SLC24A3: variants seen among roughly 807,000 people sequenced by gnomAD.
SLC24A3 encodes solute carrier family 24 member 3.
SLC24A3 carries 28 observed loss-of-function variants against 75.8 expected under a neutral mutation model. The observed-to-expected ratio is 0.37, with a 90% CI of 0.27 to 0.51. SLC24A3 has a LOEUF of 0.51. Among genes scored for constraint, SLC24A3 ranks in the 20% least tolerant of loss-of-function variants. The pLI, the probability that SLC24A3 is intolerant of heterozygous loss-of-function variation, is 0.94. For synonymous variants in SLC24A3, 372 were observed against 334.1 expected, an observed-to-expected ratio of 1.11 and a Z score of -1.24; for missense variants, 663 against 847.8, an observed-to-expected ratio of 0.78 and a Z score of 2.71.
At chr20:19,510,497 T>C (rs1282112674) in intron 2 of SLC24A3, among the ~76,000 whole-genome samples, 1 of 152,242 alleles carries the variant, frequency 6.6e-6, no homozygotes, top group Admixed American at 6.5e-5. Flanking sequence ...GCTTCGGAGA[T>C]GCTGTGAACT....
chr20:19,290,740 T>C (rs972640841), intron 2 of SLC24A3, among the ~76,000 whole-genome samples: 2 of 152,192 alleles, frequency 1.3e-5, no homozygotes, highest in South Asian at 2.1e-4. Flanking sequence ...TCTGTCAAGC[T>C]GGCTCAGGGT....
chr20:19,461,791 C>T (rs921202177), intron 2 of SLC24A3, among the ~76,000 whole-genome samples: 1 of 152,114 alleles, frequency 6.6e-6, no homozygotes, highest in East Asian at 1.9e-4. Context: ...CCTCTGCCTC[C>T]CTAAGTGCTG....
At chr20:19,449,428 C>T (rs1349377520) in intron 2 of SLC24A3, among the ~76,000 whole-genome samples, 1 of 152,212 alleles carries the variant, frequency 6.6e-6, no homozygotes, top group Non-Finnish European at 1.5e-5. Flanking sequence ...CGAAGACACA[C>T]ATTTCCAGGA....
chr20:19,441,591 C>A (rs1987300115), intron 2 of SLC24A3, among the ~76,000 whole-genome samples: 1 of 152,180 alleles, frequency 6.6e-6, no homozygotes, highest in Non-Finnish European at 1.5e-5. Context: ...ATCCCCATCA[C>A]TTACCCATCT....
chr20:19,580,385 C>G (rs1327383044), intron 4 of SLC24A3, among the ~76,000 whole-genome samples: 1 of 152,114 alleles, frequency 6.6e-6, no homozygotes, highest in Non-Finnish European at 1.5e-5. Flanking sequence ...CTTTTAAACT[C>G]ACTCTTCCTT....
At position 19,212,753 on chromosome 20, in the gene SLC24A3, G is replaced by T. The variant is rs1437282207; in HGVS notation, c.-90G>T. The T allele has an allele frequency of 1.1e-6, 1 of 946,364 alleles. No individual in the cohort carries two copies. The highest frequency in any genetic ancestry group is 1.8e-5 in the African/African-American group (1 of 55,916). The allele number at this position is 946,364 out of a possible 1,614,324, so 58.6% of individuals were successfully genotyped here. On this transcript the variant is annotated 5_prime_UTR_variant, in exon 1 of 17. Coordinates refer to ENST00000328041, the MANE Select transcript of SLC24A3 (RefSeq NM_020689.4). ...CAGCGAGGACGCGCGGCTGCTGCGC[G>T]CAGGGCTGCCTCCTGCCGCTGTCCC... is the stretch of plus-strand genomic sequence containing the variant.
intron 2 of SLC24A3, among the ~76,000 whole-genome samples, chr20:19,494,877 G>A (rs933080262): frequency 1.3e-5 from 2 of 152,204 alleles, no homozygotes; most frequent in African/African-American, 4.8e-5. Context: ...AGGTTGTCTC[G>A]GGTTGGGTCC....
intron 1 of SLC24A3, among the ~76,000 whole-genome samples, chr20:19,258,221 G>A (rs1237632166): frequency 1.3e-5 from 2 of 152,124 alleles, no homozygotes; most frequent in East Asian, 3.9e-4. Flanking sequence ...TGCTGCCTCT[G>A]CCCTCACAGC....
At chr20:19,514,898 C>T (rs1202500881) in intron 2 of SLC24A3, among the ~76,000 whole-genome samples, 5 of 152,094 alleles carry the variant, frequency 3.3e-5, no homozygotes, top group Admixed American at 6.5e-5. Flanking sequence ...TAATAGCACA[C>T]GAGGCCCACA....
Position 19,585,428 on chromosome 20 carries a change from A to G in SLC24A3, c.509-13A>G, listed in dbSNP as rs2122637854. 6.2e-7 allele frequency: 1 copy of G among 1,613,312 alleles called. No individual in the cohort carries two copies. Among genetic ancestry groups the G allele is most frequent in the Non-Finnish European group, 8.5e-7 (1 of 1,179,522 alleles). On this transcript the variant is annotated splice_polypyrimidine_tract_variant and intron_variant, in intron 5 of 16. Coordinates refer to ENST00000328041, the MANE Select transcript of SLC24A3 (RefSeq NM_020689.4). ...GCCACAACAGCCAGGCTGATGTGGG[A>G]TCTGTGTTTCAGGGGTCTTCATCAC...
intron 6 of SLC24A3, among the ~76,000 whole-genome samples, chr20:19,623,292 TAATGCCATA>T (rs2031827699): frequency 6.6e-6 from 1 of 152,214 alleles, no homozygotes; most frequent in South Asian, 2.1e-4. Flanking sequence ...GCGGCAAGTC[TAATGCCATA>T]AATGCTTTCT....
intron 2 of SLC24A3, among the ~76,000 whole-genome samples, chr20:19,288,148 G>C (rs1200946278): frequency 6.6e-6 from 1 of 152,172 alleles, no homozygotes. Context: ...AGATTATTTA[G>C]TGTCATTCAG....
chr20:19,509,388 C>T (rs1988503667), intron 2 of SLC24A3, among the ~76,000 whole-genome samples: 1 of 152,224 alleles, frequency 6.6e-6, no homozygotes. Flanking sequence ...TCAGCACCAG[C>T]CATCAGCTCT....
chr20:19,605,372 A>G lies in SLC24A3; in HGVS notation c.612+19828A>G, dbSNP rs559121823. Reference sequence around the variant, plus strand: ...ACATCTACTGGCTAGTCTGTTTCCAATTAAGACTTCTACTAAGCTTTCTCT... The same window carrying G: ...ACATCTACTGGCTAGTCTGTTTCCAGTTAAGACTTCTACTAAGCTTTCTCT... On this transcript the variant is annotated intron_variant, in intron 6 of 16. Transcript: ENST00000328041. Among the ~76,000 whole-genome samples the G allele has an allele frequency of 2.6e-5, 4 of 152,288 alleles. No individual in the cohort carries two copies. In the South Asian group the frequency reaches 8.3e-4, roughly 32 times the overall value.
At chr20:19,356,550 C>T (rs1985685031) in intron 2 of SLC24A3, among the ~76,000 whole-genome samples, 1 of 152,122 alleles carries the variant, frequency 6.6e-6, no homozygotes, top group African/African-American at 2.4e-5. Flanking sequence ...GCATGGTGTC[C>T]TATAGTGTGG....
chr20:19,342,956 G>A (rs1232409129), intron 2 of SLC24A3, among the ~76,000 whole-genome samples: 13 of 151,410 alleles, frequency 8.6e-5, no homozygotes. Context: ...TGTAGTCCCA[G>A]CTACTCGGGA....
At chr20:19,668,156 A>G (rs2032422168) in intron 8 of SLC24A3, among the ~76,000 whole-genome samples, 1 of 152,220 alleles carries the variant, frequency 6.6e-6, no homozygotes, top group African/African-American at 2.4e-5. Context: ...TTGTTATTAC[A>G]CGCATGGGCT....
chr20:19,279,687 G>T (rs1983600280), intron 1 of SLC24A3, among the ~76,000 whole-genome samples: 1 of 151,992 alleles, frequency 6.6e-6, no homozygotes, highest in Non-Finnish European at 1.5e-5. Context: ...TCATATATGT[G>T]CCTCCCACCC....
At chr20:19,329,336 T>C (rs1984942512) in intron 2 of SLC24A3, among the ~76,000 whole-genome samples, 7 of 152,228 alleles carry the variant, frequency 4.6e-5, no homozygotes, top group Admixed American at 3.9e-4. Flanking sequence ...ATGTATTGGC[T>C]TTACAGAGTC....
Sources: gnomAD v4.1 joint callset for allele counts (sites outside exome capture counted in the v4.1 genomes callset) on GRCh38, gnomAD v4.1.1 for gene constraint, MANE v1.5 for transcripts, NCBI Gene and HGNC (gene_info 2026-07-23, HGNC 2026-07-21) for gene names.